The following IL18R1 variants were observed in gnomAD, a reference collection of about 807,000 sequenced individuals.
IL18R1 encodes interleukin 18 receptor 1, also known as interleukin-18 receptor 1.
In IL18R1, 40 loss-of-function variants were observed where a neutral mutation model predicts 48.5. The observed-to-expected ratio is 0.82, with a 90% CI of 0.64 to 1.07. IL18R1 has a LOEUF of 1.07. Among genes scored for constraint, IL18R1 ranks in the 50% least tolerant of loss-of-function variants. The pLI, the probability that IL18R1 is intolerant of heterozygous loss-of-function variation, is 0.00. For missense variants in IL18R1, 596 were observed against 633.7 expected (o/e 0.94, Z 0.64); for synonymous variants, 232 against 225.9 (o/e 1.03, Z -0.24).
At chr2:102,361,607 G>A (rs1678578518) in intron 1 of IL18R1, among the ~76,000 whole-genome samples, 1 of 152,116 alleles carries the variant, frequency 6.6e-6, no homozygotes, top group Non-Finnish European at 1.5e-5. Flanking sequence ...TCTCCATTTT[G>A]GTAATGACCA....
intron 3 of IL18R1, among the ~76,000 whole-genome samples, chr2:102,368,630 A>G (rs1479078031): frequency 2.0e-5 from 3 of 152,142 alleles, no homozygotes; most frequent in African/African-American, 7.2e-5. Context: ...AGGGCTTTGC[A>G]TTTTACTCAT....
At chr2:102,390,242 C>A in intron 9 of IL18R1, 25 bp downstream of exon 9, 3 of 1,600,178 alleles carry the variant, frequency 1.9e-6, no homozygotes, top group Non-Finnish European at 2.6e-6. Flanking sequence ...GCTGGAATTT[C>A]TTACCTTATG....
chr2:102,389,171 T>A (rs1680416880), intron 8 of IL18R1, among the ~76,000 whole-genome samples: 2 of 152,248 alleles, frequency 1.3e-5, no homozygotes, highest in South Asian at 4.1e-4. Context: ...TATTAGGATA[T>A]TATGAATTAT....
Position 102,356,226 on chromosome 2 carries a change from G to C in IL18R1, c.-203G>C. 1 of 219,720 alleles carries C rather than the reference G, an allele frequency of 4.6e-6. No individual in the cohort carries two copies. 13.6% of individuals were successfully genotyped at this position (219,720 alleles called of 1,614,324 possible). On this transcript the variant is annotated 5_prime_UTR_variant, in exon 1 of 11. Coordinates refer to ENST00000233957, the MANE Select transcript of IL18R1 (RefSeq NM_003855.5). ...CTTCTTCTTTTTTTTTTTTTTTGTA[G>C]CCCTCTCTGGGTGCCTTATCTCTTT... is the stretch of plus-strand genomic sequence containing the variant.
intron 3 of IL18R1, 142 bp downstream of exon 3, chr2:102,368,210 T>G: frequency 6.3e-6 from 6 of 952,134 alleles, no homozygotes; most frequent in Non-Finnish European, 9.6e-6. Flanking sequence ...AAATACATTC[T>G]TTGTTATGGA....
chr2:102,377,934 C>T (rs993538320), intron 5 of IL18R1, among the ~76,000 whole-genome samples: 2 of 152,214 alleles, frequency 1.3e-5, no homozygotes, highest in African/African-American at 4.8e-5. Flanking sequence ...TTCTGCCTGC[C>T]ACAGCCCAGA....
chr2:102,395,909 C>G (rs1680801228), intron 10 of IL18R1, among the ~76,000 whole-genome samples: 1 of 152,190 alleles, frequency 6.6e-6, no homozygotes, highest in Admixed American at 6.5e-5. Context: ...TGCATCTGAG[C>G]TACAACAACA....
At chr2:102,393,060 C>A (rs964321504) in intron 9 of IL18R1, among the ~76,000 whole-genome samples, 1 of 152,004 alleles carries the variant, frequency 6.6e-6, no homozygotes, top group African/African-American at 2.4e-5. Flanking sequence ...GTAATATAAA[C>A]CCATATTTGA....
Position 102,396,647 on chromosome 2 carries a change from G to A in IL18R1, c.1387G>A (p.Ala463Thr). The change falls in exon 11 of 11, where the codon GCA becomes ACA. Residue 463 changes from alanine to threonine, a missense_variant. Around this residue, in one of 3 missense-constraint regions of IL18R1, gnomAD observed 179 missense variants for 206.1 expected, o/e 0.87. Transcript: ENST00000233957. Reference protein sequence around the residue: ...RYELESGLHEALVERKIKIIL... With the variant: ...RYELESGLHETLVERKIKIIL... ...TGAACTTGAAAGTGGACTCCATGAA[G>A]CATTGGTGGAAAGAAAAATTAAAAT... 1.2e-6 allele frequency: 2 copies of A among 1,612,798 alleles called. No individual in the cohort carries two copies. Among genetic ancestry groups the A allele is most frequent in the Non-Finnish European group, 1.7e-6 (2 of 1,178,820 alleles).
chr2:102,395,152 C>T (rs192414954), intron 10 of IL18R1, among the ~76,000 whole-genome samples: 15 of 151,640 alleles, frequency 9.9e-5, no homozygotes, highest in African/African-American at 3.6e-4. Context: ...AGCGGTGATC[C>T]CCATCAGATC....
chr2:102,359,156 G>C (rs1678431288), intron 1 of IL18R1, among the ~76,000 whole-genome samples: 1 of 152,038 alleles, frequency 6.6e-6, no homozygotes, highest in South Asian at 2.1e-4. Flanking sequence ...GGGAAATACA[G>C]GATTATTTAA....
chr2:102,394,394 C>T lies in IL18R1; in HGVS notation c.1112-75C>T, dbSNP rs556082280. ...TCAATGATTCTATACTCATTACTTA[C>T]GACATTCACTTAAGTTTGTACTTAA... On this transcript the variant is annotated intron_variant, in intron 9 of 10. Transcript: ENST00000233957. The T allele has an allele frequency of 1.1e-4, 138 of 1,215,056 alleles. 1 individual carries two copies. Among genetic ancestry groups the T allele is most frequent in the Middle Eastern group, 6.0e-4 (3 of 5,000 alleles). 75.3% of individuals were successfully genotyped at this position (1,215,056 alleles called of 1,614,324 possible). A position where few individuals can be genotyped will look rare whatever the true frequency, so the allele number is the denominator to read the frequency against.
chr2:102,396,329 G>A (rs1264208102), intron 10 of IL18R1, among the ~76,000 whole-genome samples: 5 of 152,094 alleles, frequency 3.3e-5, no homozygotes, highest in African/African-American at 1.2e-4. Flanking sequence ...TACATAATAA[G>A]TGCTAAGTAG....
At chr2:102,384,809 A>T in intron 6 of IL18R1, 69 bp from the exon 7 acceptor site, 1 of 1,565,824 alleles carries the variant, frequency 6.4e-7, no homozygotes, top group Non-Finnish European at 8.7e-7. Context: ...TACATTGATT[A>T]TATTGTTTTG....
Position 102,371,913 on chromosome 2 carries a change from C to A in IL18R1, c.303-40C>A, listed in dbSNP as rs1230670982. ...AAGATGGGTGATATTTGCAAAGTTT[C>A]TGTAGCATTATAAAATACCTTTACA... On this transcript the variant is annotated intron_variant, in intron 3 of 10. Coordinates refer to ENST00000233957, the MANE Select transcript of IL18R1 (RefSeq NM_003855.5). 4.1e-6 allele frequency: 5 copies of A among 1,205,998 alleles called. No individual in the cohort carries two copies. In the East Asian group the frequency reaches 1.3e-4, roughly 30 times the overall value. The allele number at this position is 1,205,998 out of a possible 1,614,324, so 74.7% of individuals were successfully genotyped here. A position where few individuals can be genotyped will look rare whatever the true frequency, so the allele number is the denominator to read the frequency against.
chr2:102,390,680 T>A (rs1315408075), intron 9 of IL18R1, among the ~76,000 whole-genome samples: 1 of 152,086 alleles, frequency 6.6e-6, no homozygotes, highest in South Asian at 2.1e-4. Context: ...ACGCCTGTAA[T>A]CCCAGCACTT....
At chr2:102,375,833 C>A in intron 4 of IL18R1, 74 bp from the exon 5 acceptor site, 1 of 998,218 alleles carries the variant, frequency 1.0e-6, no homozygotes, top group South Asian at 2.7e-5. Context: ...AGATCTTTAA[C>A]TCAAAAATTT....
At chr2:102,365,364 C>A (rs1343266001) in intron 2 of IL18R1, among the ~76,000 whole-genome samples, 1 of 152,200 alleles carries the variant, frequency 6.6e-6, no homozygotes. Flanking sequence ...CCTTAAAGTT[C>A]CAAAATAGTC....
chr2:102,394,647 A>C lies in IL18R1; in HGVS notation c.1270+20A>C. The C allele has an allele frequency of 6.4e-7, 1 of 1,570,972 alleles. No individual in the cohort carries two copies. Among genetic ancestry groups the C allele is most frequent in the Non-Finnish European group, 8.7e-7 (1 of 1,152,332 alleles). On this transcript the variant is annotated intron_variant, in intron 10 of 10. Transcript: ENST00000233957. ...GAGGAGGTAAGAGGGAATGCCAGAT[A>C]GAAAAATATTCAAGATAGTTTCTTT...
Sources: gnomAD v4.1 joint callset for allele counts (sites outside exome capture counted in the v4.1 genomes callset) on GRCh38, gnomAD v4.1.1 for gene constraint, gnomAD v4.1.1 regional missense constraint, MANE v1.5 for transcripts, NCBI Gene and HGNC (gene_info 2026-07-23, HGNC 2026-07-21) for gene names.